Variants in STK38L observed in about 807,000 individuals in gnomAD.
The protein encoded by STK38L is serine/threonine kinase 38 like, also known as serine/threonine-protein kinase 38-like.
STK38L carries 28 observed loss-of-function variants against 59.7 expected under a neutral mutation model. The observed-to-expected ratio is 0.47, with a 90% CI of 0.35 to 0.64. STK38L has a LOEUF of 0.64. Among genes scored for constraint, STK38L ranks in the 30% least tolerant of loss-of-function variants. The pLI, the probability that STK38L is intolerant of heterozygous loss-of-function variation, is 0.01. For missense variants in STK38L, 314 were observed against 555.8 expected (o/e 0.56, Z 4.37); for synonymous variants, 162 against 176.8 (o/e 0.92, Z 0.66).
intron 1 of STK38L, among the ~76,000 whole-genome samples, chr12:27,248,058 T>A (rs1942894857): frequency 6.6e-6 from 1 of 152,138 alleles, no homozygotes; most frequent in South Asian, 2.1e-4. Context: ...CAAGTGATCC[T>A]CCTGCCTTGG....
chr12:27,308,324 G>GT lies in STK38L; in HGVS notation c.187-6dup, dbSNP rs768230650. The GT allele has an allele frequency of 1.1e-3, 1,659 of 1,495,006 alleles. 1 individual carries two copies. The highest frequency in any genetic ancestry group is 2.1e-3 in the South Asian group (164 of 77,178). The allele number at this position is 1,495,006 out of a possible 1,614,324, so 92.6% of individuals were successfully genotyped here. On this transcript the variant is annotated splice_polypyrimidine_tract_variant and intron_variant, in intron 3 of 13. Coordinates refer to ENST00000389032, the MANE Select transcript of STK38L (RefSeq NM_015000.4). The surrounding 1 kb of genome is among the most constrained non-coding windows in gnomAD (Gnocchi z 4.5). ...AATTATAAAATCATCCGTTTAAATT[G>GT]TTTTTTTTTAATAGAAAAAGTTACG...
chr12:27,256,460 G>A (rs1174920095), intron 1 of STK38L, among the ~76,000 whole-genome samples: 1 of 152,140 alleles, frequency 6.6e-6, no homozygotes, highest in Non-Finnish European at 1.5e-5. Flanking sequence ...TAATTCCTGT[G>A]CTTTCTTTGG....
At position 27,272,793 on chromosome 12, in the gene STK38L, T is replaced by A. The variant is rs546150940; in HGVS notation, c.-11-24917T>A. On this transcript the variant is annotated intron_variant, in intron 1 of 13. Transcript: ENST00000389032. ...GCAGCAGAGAAAAGTTGCACCTGCCTGCTACTTGACAGTAGATTCTGTGAT... is the reference window on the plus strand; with the variant it reads ...GCAGCAGAGAAAAGTTGCACCTGCCAGCTACTTGACAGTAGATTCTGTGAT... Among the ~76,000 whole-genome samples the A allele has an allele frequency of 2.6e-5, 4 of 152,364 alleles. No individual in the cohort carries two copies. The East Asian group carries it at 7.7e-4, about 29-fold the overall frequency.
intron 1 of STK38L, among the ~76,000 whole-genome samples, chr12:27,249,639 A>G (rs774791095): frequency 2.0e-5 from 3 of 152,132 alleles, no homozygotes; most frequent in Non-Finnish European, 4.4e-5. Flanking sequence ...CGCCTGGCCT[A>G]TGCTTAGCTT....
Position 27,308,875 on chromosome 12 carries a change from AATAT to A in STK38L, c.310-233_310-230del, listed in dbSNP as rs377185073. Among the ~76,000 whole-genome samples, 2 of 138,434 alleles carry A rather than the reference AATAT, an allele frequency of 1.4e-5. No individual in the cohort carries two copies. The highest frequency in any genetic ancestry group is 7.0e-5 in the Admixed American group (1 of 14,274). 90.8% of individuals were successfully genotyped at this position (138,434 alleles called of 152,430 possible). A position where few individuals can be genotyped will look rare whatever the true frequency, so the allele number is the denominator to read the frequency against. On this transcript the variant is annotated intron_variant, in intron 4 of 13. Transcript: ENST00000389032. The surrounding 1 kb of genome is among the most constrained non-coding windows in gnomAD (Gnocchi z 4.5). ...ATATAAAAAAATATATATAAATATAAATATATATAAATGTAAATATATAAATATA... is the reference window on the plus strand; with the variant it reads ...ATATAAAAAAATATATATAAATATAAATATAAATGTAAATATATAAATATA...
intron 2 of STK38L, among the ~76,000 whole-genome samples, chr12:27,301,459 A>G (rs2136640671): frequency 6.6e-6 from 1 of 152,232 alleles, no homozygotes; most frequent in Non-Finnish European, 1.5e-5. Context: ...ACGGGGTTTC[A>G]CAGTGTTAGC....
rs759688667 is a variant in STK38L, at chr12:27,312,542, C to T, written c.394-7C>T. ...CAATTATTTTTTTCAAAAATATATTCATCTAGGTGGCCCATATCCGAGCAG... is the reference window on the plus strand; with the variant it reads ...CAATTATTTTTTTCAAAAATATATTTATCTAGGTGGCCCATATCCGAGCAG... On this transcript the variant is annotated splice_region_variant and splice_polypyrimidine_tract_variant and intron_variant, in intron 5 of 13. Transcript: ENST00000389032. The T allele has an allele frequency of 6.2e-7, 1 of 1,611,332 alleles. No individual in the cohort carries two copies. Among genetic ancestry groups the T allele is most frequent in the South Asian group, 1.1e-5 (1 of 90,232 alleles).
At chr12:27,269,850 C>A (rs10842892) in intron 1 of STK38L, among the ~76,000 whole-genome samples, 10,578 of 152,130 alleles carry the variant, frequency 0.07, 498 homozygotes, top group Non-Finnish European at 0.11. Flanking sequence ...GCCATGTTGG[C>A]CAGGCTGGTC....
rs941401115 is a variant in STK38L at position 27,323,655 on chromosome 12, G to A, written c.*1200G>A. The stretch of plus-strand genomic sequence containing the variant: ...TTTGATAGAGGTCAGCTTATTAAAG[G>A]GCAATATTGTTCTTGTTTAGCTACA... On this transcript the variant is annotated 3_prime_UTR_variant, in exon 14 of 14. Transcript: ENST00000389032. The A allele has an allele frequency of 9.8e-5, 15 of 152,616 alleles. No individual in the cohort carries two copies. The highest frequency in any genetic ancestry group is 3.9e-4 in the East Asian group (2 of 5,188). The allele number at this position is 152,616 out of a possible 1,614,324, so 9.5% of individuals were successfully genotyped here.
At chr12:27,313,899 A>AT (rs1317613592) in intron 6 of STK38L, among the ~76,000 whole-genome samples, 9 of 151,956 alleles carry the variant, frequency 5.9e-5, no homozygotes, top group East Asian at 1.9e-4. Context: ...ACTTATTCTG[A>AT]TTTTTTTGCA....
intron 1 of STK38L, among the ~76,000 whole-genome samples, chr12:27,248,509 A>T (rs1305198590): frequency 6.6e-6 from 1 of 152,210 alleles, no homozygotes; most frequent in Non-Finnish European, 1.5e-5. Context: ...GTTAGAAAAA[A>T]AGTATACCTA....
chr12:27,300,405 T>A, intron 2 of STK38L: 1 of 377,158 alleles, frequency 2.7e-6, no homozygotes, highest in Non-Finnish European at 5.3e-6. Flanking sequence ...CTGTATCTCT[T>A]CCAGAATGAG....
intron 1 of STK38L, among the ~76,000 whole-genome samples, chr12:27,289,699 T>TA (rs1159525140): frequency 2.0e-5 from 3 of 152,186 alleles, no homozygotes; most frequent in Non-Finnish European, 4.4e-5. Flanking sequence ...TAACAGCAGA[T>TA]ACAGTAAAGA....
At chr12:27,284,119 A>G (rs1159563444) in intron 1 of STK38L, among the ~76,000 whole-genome samples, 1 of 152,204 alleles carries the variant, frequency 6.6e-6, no homozygotes, top group African/African-American at 2.4e-5. Context: ...GGTAATTGTG[A>G]GATAGGAAGC....
In STK38L at chr12:27,317,417, T is replaced by A; in HGVS notation, c.919T>A (p.Trp307Arg). 1 of 1,613,168 alleles carries A rather than the reference T, an allele frequency of 6.2e-7. No homozygotes were observed. Residue 307 changes from tryptophan (W) to arginine (R), a missense_variant, in exon 10 of 14, where the codon TGG becomes AGG. Around this residue, in one of 3 missense-constraint regions of STK38L, gnomAD observed 28 missense variants for 96.7 expected, o/e 0.29. Transcript: ENST00000389032. ...QTGYNKLCDW[W>R]SLGVIMYEML... ...TGGTTACAACAAATTGTGTGACTGG[T>A]GGTCTTTGGGAGTGATTATGTATGA...
chr12:27,298,673 G>A (rs1175420738), intron 2 of STK38L, among the ~76,000 whole-genome samples: 2 of 152,098 alleles, frequency 1.3e-5, no homozygotes, highest in South Asian at 2.1e-4. Flanking sequence ...GTAAATAGTG[G>A]TGGCATTTAA....
At chr12:27,269,953 C>T (rs10842893) in intron 1 of STK38L, among the ~76,000 whole-genome samples, 10,727 of 152,202 alleles carry the variant, frequency 0.07, 506 homozygotes, top group Non-Finnish European at 0.11. Context: ...AACTTTCAAT[C>T]GTAAGTACCC....
At chr12:27,289,411 AG>A (rs1341875860) in intron 1 of STK38L, among the ~76,000 whole-genome samples, 10 of 152,372 alleles carry the variant, frequency 6.6e-5, no homozygotes, top group African/African-American at 2.4e-4. Flanking sequence ...CAATAAACTC[AG>A]GTATTCTGCC....
At chr12:27,256,132 T>C (rs1358276591) in intron 1 of STK38L, among the ~76,000 whole-genome samples, 3 of 152,222 alleles carry the variant, frequency 2.0e-5, no homozygotes, top group African/African-American at 7.2e-5. Flanking sequence ...GAATATTCAT[T>C]CAGGTGCCCA....
Sources: gnomAD v4.1 joint callset for allele counts (sites outside exome capture counted in the v4.1 genomes callset) on GRCh38, gnomAD v4.1.1 for gene constraint, gnomAD v4.1.1 regional missense constraint, Gnocchi (gnomAD v3.1) non-coding constraint, MANE v1.5 for transcripts, NCBI Gene and HGNC (gene_info 2026-07-23, HGNC 2026-07-21) for gene names.